The following EIPR1 variants were observed in gnomAD, a reference collection of about 807,000 sequenced individuals.
The protein encoded by EIPR1 is EARP and GARP complex-interacting protein 1.
Under a neutral mutation model 48.1 loss-of-function variants are expected in EIPR1, and 25 were observed. That is an observed-to-expected ratio of 0.52 (90% CI 0.38 to 0.73). The LOEUF is 0.73. EIPR1 is among the 30% of genes least tolerant of loss of function. The probability of loss-of-function intolerance (pLI) is 0.00; values close to 1 mark genes in which losing one functional copy is unlikely to be tolerated. For missense variants in EIPR1, 415 were observed against 506.2 expected, an observed-to-expected ratio of 0.82 and a Z score of 1.73; for synonymous variants, 204 against 201.9, an observed-to-expected ratio of 1.01 and a Z score of -0.09.
chr2:3,252,758 T>C (rs1166533793), intron 4 of EIPR1, among the ~76,000 whole-genome samples: 1 of 152,132 alleles, frequency 6.6e-6, no homozygotes, highest in Non-Finnish European at 1.5e-5. Context: ...AGGGGCTCCA[T>C]CCCTGCCGGG....
chr2:3,200,700 G>A lies in EIPR1; in HGVS notation c.517-3683C>T, dbSNP rs184886574. Among the ~76,000 whole-genome samples, 413 of 152,112 alleles carry A rather than the reference G, an allele frequency of 2.7e-3. 3 individuals are homozygous for A. Among genetic ancestry groups the A allele is most frequent in the Non-Finnish European group, 3.6e-3 (248 of 67,986 alleles). ...GGCAGACACCAGAACGCACAAGCAC[G>A]TGTGAGCACGGCAGGATTAAGCTTG... On this transcript the variant is annotated intron_variant, in intron 5 of 8. Transcript: ENST00000382125.
chr2:3,234,324 A>G (rs983545381), intron 4 of EIPR1, among the ~76,000 whole-genome samples: 3 of 152,236 alleles, frequency 2.0e-5, no homozygotes, highest in Non-Finnish European at 4.4e-5. Flanking sequence ...TTTGCTTTAA[A>G]CATGTCTGAC....
intron 3 of EIPR1, among the ~76,000 whole-genome samples, chr2:3,314,989 G>A (rs149907360): frequency 4.0e-4 from 60 of 151,696 alleles, no homozygotes; most frequent in Middle Eastern, 3.4e-3. Flanking sequence ...GCTGCTCTCC[G>A]GCAAACTGCA....
At chr2:3,224,201 C>T (rs117540548) in intron 4 of EIPR1, among the ~76,000 whole-genome samples, 4 of 152,206 alleles carry the variant, frequency 2.6e-5, no homozygotes, top group South Asian at 2.1e-4. Flanking sequence ...CTGTATTTGC[C>T]GTTTTCCATC....
rs556648988 is a variant in EIPR1 at position 3,348,632 on chromosome 2, T to G, written c.126+5918A>C. On this transcript the variant is annotated intron_variant, in intron 2 of 8. Coordinates refer to ENST00000382125, the MANE Select transcript of EIPR1 (RefSeq NM_003310.5). ...AAACAGACACAAATCAGTTCATCCC[T>G]CAGAGGAAAGTCAGCAACTGTGACA... is the stretch of plus-strand genomic sequence containing the variant. Among the ~76,000 whole-genome samples, 10 of 152,296 alleles carry G rather than the reference T, an allele frequency of 6.6e-5. No homozygotes were observed. In the East Asian group the frequency reaches 1.9e-3, roughly 29 times the overall value.
At chr2:3,278,673 T>A (rs1667931124) in intron 3 of EIPR1, among the ~76,000 whole-genome samples, 1 of 152,132 alleles carries the variant, frequency 6.6e-6, no homozygotes, top group African/African-American at 2.4e-5. Flanking sequence ...CCCCTCCAGC[T>A]GAGTCCGCTT....
At chr2:3,248,804 G>C (rs1006631450) in intron 4 of EIPR1, among the ~76,000 whole-genome samples, 3 of 152,052 alleles carry the variant, frequency 2.0e-5, no homozygotes, top group Non-Finnish European at 4.4e-5. Flanking sequence ...AAAATAAAGA[G>C]TCTGGGACTT....
Position 3,377,773 on chromosome 2 carries a change from T to A in EIPR1, c.-84A>T. 3 of 1,462,036 alleles carry A rather than the reference T, an allele frequency of 2.1e-6. No homozygotes were observed. The highest frequency in any genetic ancestry group is 2.8e-6 in the Non-Finnish European group (3 of 1,078,082). The allele number at this position is 1,462,036 out of a possible 1,614,324, so 90.6% of individuals were successfully genotyped here. A position where few individuals can be genotyped will look rare whatever the true frequency, so the allele number is the denominator to read the frequency against. ...GCGCGTCCCCACCTCGCGGGCGTGT[T>A]CCCAGCGCCCATTCATTCCCTCCCC... On this transcript the variant is annotated 5_prime_UTR_variant, in exon 1 of 9. Coordinates refer to ENST00000382125, the MANE Select transcript of EIPR1 (RefSeq NM_003310.5).
In EIPR1 at chr2:3,189,546, C is replaced by T. The variant is rs1207382289; in HGVS notation, c.990-38G>A. ...AGAGGCAGACGTGAGCGCAGCAGCTCCGGCGGGGCGGGCAGGAGAGGGGCA... is the reference window on the plus strand; with the variant it reads ...AGAGGCAGACGTGAGCGCAGCAGCTTCGGCGGGGCGGGCAGGAGAGGGGCA... On this transcript the variant is annotated intron_variant, in intron 8 of 8. Transcript: ENST00000382125. The surrounding 1 kb of genome is among the most constrained non-coding windows in gnomAD (Gnocchi z 4.6). 1 of 1,498,082 alleles carries T rather than the reference C, an allele frequency of 6.7e-7. No individual in the cohort carries two copies. Among genetic ancestry groups the T allele is most frequent in the Admixed American group, 2.0e-5 (1 of 49,596 alleles). The allele number at this position is 1,498,082 out of a possible 1,614,324, so 92.8% of individuals were successfully genotyped here.
intron 2 of EIPR1, among the ~76,000 whole-genome samples, chr2:3,352,795 G>C (rs552971114): frequency 5.3e-5 from 8 of 152,354 alleles, no homozygotes; most frequent in South Asian, 2.1e-4. Context: ...TCAGGAGTTT[G>C]AGACCAGCCT....
intron 3 of EIPR1, among the ~76,000 whole-genome samples, chr2:3,267,295 C>T (rs1196900207): frequency 6.6e-6 from 1 of 152,220 alleles, no homozygotes; most frequent in Admixed American, 6.5e-5. Context: ...CGGGACATTC[C>T]CTCACCTGTG....
At chr2:3,274,348 G>A (rs1480479962) in intron 3 of EIPR1, 1 of 1,550,540 alleles carries the variant, frequency 6.4e-7, no homozygotes, top group Non-Finnish European at 8.7e-7. Flanking sequence ...CAGGTTGCCA[G>A]TGCTATGAAC....
At chr2:3,366,535 C>T (rs1295465774) in intron 1 of EIPR1, among the ~76,000 whole-genome samples, 2 of 152,008 alleles carry the variant, frequency 1.3e-5, no homozygotes, top group Non-Finnish European at 1.5e-5. Flanking sequence ...GAAATTTGAC[C>T]TGAAATTCAA....
chr2:3,247,700 T>C (rs553527999), intron 4 of EIPR1, among the ~76,000 whole-genome samples: 6 of 152,334 alleles, frequency 3.9e-5, no homozygotes, highest in South Asian at 4.1e-4. Flanking sequence ...TACATATTGA[T>C]AAGATGCATT....
chr2:3,330,921 CTGGCA>C, intron 3 of EIPR1, among the ~76,000 whole-genome samples: 1 of 86,822 alleles, frequency 1.2e-5, no homozygotes, highest in African/African-American at 8.0e-5. Context: ...TAAGCAGAGA[CTGGCA>C]AGTGTACACT....
At chr2:3,280,982 T>C (rs2103259420) in intron 3 of EIPR1, among the ~76,000 whole-genome samples, 1 of 152,296 alleles carries the variant, frequency 6.6e-6, no homozygotes, top group South Asian at 2.1e-4. Context: ...GACTCATCCC[T>C]GTACCTGGCC....
chr2:3,250,034 C>T (rs1666956365), intron 4 of EIPR1, among the ~76,000 whole-genome samples: 1 of 152,190 alleles, frequency 6.6e-6, no homozygotes, highest in South Asian at 2.1e-4. Context: ...AGAGACTGCA[C>T]TAGGGTAATG....
intron 2 of EIPR1, 55 bp downstream of exon 2, chr2:3,354,495 A>G: frequency 6.6e-7 from 1 of 1,523,776 alleles, no homozygotes; most frequent in Non-Finnish European, 9.0e-7. Context: ...AAATGGTTAT[A>G]AAACTAAGAA....
chr2:3,343,584 T>G (rs1391951198), intron 2 of EIPR1, among the ~76,000 whole-genome samples: 5 of 152,226 alleles, frequency 3.3e-5, no homozygotes, highest in Non-Finnish European at 2.9e-5. Context: ...TCATTAAAAT[T>G]TTTAAAGTTG....
Sources: allele counts gnomAD v4.1 joint callset (sites outside exome capture counted in the v4.1 genomes callset), GRCh38; gene constraint gnomAD v4.1.1; non-coding constraint Gnocchi (gnomAD v3.1); transcripts MANE v1.5; gene names NCBI Gene and HGNC (gene_info 2026-07-23, HGNC 2026-07-21).